RNGTT: variants seen among roughly 807,000 people sequenced by gnomAD.
The protein encoded by RNGTT is mRNA-capping enzyme.
Under a neutral mutation model 79.3 loss-of-function variants are expected in RNGTT, and 33 were observed. The observed-to-expected ratio is 0.42, with a 90% CI of 0.32 to 0.56. The LOEUF (loss-of-function observed/expected upper bound fraction) is 0.56, where lower values mean the gene tolerates loss of function less well. Among genes scored for constraint, RNGTT ranks in the 20% least tolerant of loss-of-function variants. RNGTT has a pLI of 0.17. For synonymous variants in RNGTT, 222 were observed against 235.9 expected (o/e 0.94, Z 0.54); for missense variants, 497 against 739.1 (o/e 0.67, Z 3.80).
At chr6:88,774,159 C>T (rs928631711) in intron 12 of RNGTT, among the ~76,000 whole-genome samples, 1 of 151,970 alleles carries the variant, frequency 6.6e-6, no homozygotes, top group African/African-American at 2.4e-5. Flanking sequence ...AGTCAAAAGA[C>T]TTGAATAAAC....
chr6:88,704,128 C>T (rs774196687), intron 13 of RNGTT, among the ~76,000 whole-genome samples: 60 of 151,700 alleles, frequency 4.0e-4, no homozygotes, highest in Non-Finnish European at 7.7e-4. Flanking sequence ...GGCGTGGTGG[C>T]GGGCGCCTGT....
Position 88,929,269 on chromosome 6 carries a change from T to TA in RNGTT, c.175-3dup, listed in dbSNP as rs79488860. ...GTCCACCAACAAGCCCATTTTAACC[T>TA]AAAAAAAAAAAAAAATGAAAGGGCA... On this transcript the variant is annotated splice_polypyrimidine_tract_variant and splice_region_variant and intron_variant, in intron 2 of 15. Coordinates refer to ENST00000369485, the MANE Select transcript of RNGTT (RefSeq NM_003800.5). The TA allele has an allele frequency of 0.054, 70,936 of 1,312,998 alleles. 3 individuals carry two copies. Among genetic ancestry groups the TA allele is most frequent in the South Asian group, 0.071 (5,267 of 73,928 alleles). 81.3% of individuals were successfully genotyped at this position (1,312,998 alleles called of 1,614,324 possible).
intron 11 of RNGTT, among the ~76,000 whole-genome samples, chr6:88,810,374 A>T (rs1260258091): frequency 6.6e-6 from 1 of 152,214 alleles, no homozygotes; most frequent in East Asian, 1.9e-4. Flanking sequence ...ACTGAGTAAT[A>T]GGTAGGAATG....
At chr6:88,834,691 A>G (rs1781003442) in intron 11 of RNGTT, among the ~76,000 whole-genome samples, 1 of 152,208 alleles carries the variant, frequency 6.6e-6, no homozygotes, top group East Asian at 1.9e-4. Context: ...CAACACTGAT[A>G]CAGTCATAGA....
intron 8 of RNGTT, among the ~76,000 whole-genome samples, chr6:88,889,590 T>C (rs1335557539): frequency 6.8e-6 from 1 of 146,634 alleles, no homozygotes; most frequent in Non-Finnish European, 1.5e-5. Context: ...AAACATTTTA[T>C]TATGAAATAG....
At chr6:88,835,338 T>A (rs965102679) in intron 11 of RNGTT, among the ~76,000 whole-genome samples, 1 of 152,106 alleles carries the variant, frequency 6.6e-6, no homozygotes, top group Non-Finnish European at 1.5e-5. Context: ...ATCCTAACTA[T>A]ACACAACTGA....
intron 14 of RNGTT, among the ~76,000 whole-genome samples, chr6:88,643,443 C>G (rs1409513259): frequency 1.3e-5 from 2 of 152,114 alleles, no homozygotes; most frequent in East Asian, 3.9e-4. Context: ...GACAGATCAA[C>G]GAGACAGAAA....
At chr6:88,810,083 A>G (rs2127870228) in intron 11 of RNGTT, among the ~76,000 whole-genome samples, 1 of 152,230 alleles carries the variant, frequency 6.6e-6, no homozygotes, top group African/African-American at 2.4e-5. Flanking sequence ...CCATTTTTAT[A>G]ATAAAAAAAA....
At chr6:88,825,460 A>T (rs1220588939) in intron 11 of RNGTT, among the ~76,000 whole-genome samples, 2 of 152,280 alleles carry the variant, frequency 1.3e-5, no homozygotes, top group Admixed American at 1.3e-4. Context: ...AGAGATATTC[A>T]TCGAAACATT....
At chr6:88,636,002 C>T (rs1236886115) in intron 14 of RNGTT, among the ~76,000 whole-genome samples, 1 of 152,014 alleles carries the variant, frequency 6.6e-6, no homozygotes, top group African/African-American at 2.4e-5. Flanking sequence ...GTCATTTATA[C>T]AACAAGTATT....
At position 88,707,543 on chromosome 6, in the gene RNGTT, G is replaced by GA. The variant is rs529579080; in HGVS notation, c.1440-29125dup. On this transcript the variant is annotated intron_variant, in intron 13 of 15. Coordinates refer to ENST00000369485, the MANE Select transcript of RNGTT (RefSeq NM_003800.5). ...GAAAAGTCTCCTAAGTAAAAAGGCA[G>GA]AAAAAATTGAACAGGTAACTACCCA... Among the ~76,000 whole-genome samples, 5 of 151,806 alleles carry GA rather than the reference G, an allele frequency of 3.3e-5. 1 individual carries two copies. In the South Asian group the frequency reaches 8.3e-4, roughly 25 times the overall value.
chr6:88,683,769 C>T (rs1336801296), intron 13 of RNGTT, among the ~76,000 whole-genome samples: 1 of 152,140 alleles, frequency 6.6e-6, no homozygotes, highest in Non-Finnish European at 1.5e-5. Flanking sequence ...AATCCCAGCA[C>T]TCTGAGAGGA....
intron 10 of RNGTT, among the ~76,000 whole-genome samples, chr6:88,847,543 C>T (rs987844751): frequency 7.2e-5 from 11 of 151,860 alleles, no homozygotes; most frequent in African/African-American, 2.4e-4. Flanking sequence ...ATTAAATATA[C>T]GATACTTTCA....
At chr6:88,707,371 A>C (rs1271887044) in intron 13 of RNGTT, among the ~76,000 whole-genome samples, 1 of 111,254 alleles carries the variant, frequency 9.0e-6, no homozygotes, top group Non-Finnish European at 1.7e-5. Flanking sequence ...ATCACATGCA[A>C]TTTGGAGTAT....
intron 14 of RNGTT, among the ~76,000 whole-genome samples, chr6:88,631,584 T>C (rs1582255009): frequency 6.6e-6 from 1 of 152,208 alleles, no homozygotes; most frequent in South Asian, 2.1e-4. Context: ...TTGTGACAAG[T>C]AGCCCATATG....
At chr6:88,883,093 A>G (rs1782741867) in intron 8 of RNGTT, among the ~76,000 whole-genome samples, 1 of 151,412 alleles carries the variant, frequency 6.6e-6, no homozygotes, top group Non-Finnish European at 1.5e-5. Context: ...GAAAAGCAAT[A>G]TAAGAATAGC....
rs540552812 is a variant in RNGTT at position 88,765,049 on chromosome 6, G to A, written c.1439+4725C>T. ...CTACTAAAAATACAAAAAATTAGCC[G>A]GGCATGGTGGCAGGCGCCTGTAGTC... On this transcript the variant is annotated intron_variant, in intron 13 of 15. Coordinates refer to ENST00000369485, the MANE Select transcript of RNGTT (RefSeq NM_003800.5). Among the ~76,000 whole-genome samples, 119 of 151,942 alleles carry A rather than the reference G, an allele frequency of 7.8e-4. 1 individual carries two copies. In the South Asian group the frequency reaches 0.013, roughly 16 times the overall value.
chr6:88,891,750 T>C, intron 7 of RNGTT, 56 bp downstream of exon 7: 1 of 1,081,754 alleles, frequency 9.2e-7, no homozygotes, highest in Admixed American at 2.7e-5. Flanking sequence ...AATGCTTGTA[T>C]TAAGTGTTGT....
chr6:88,723,488 A>T (rs1368741858), intron 13 of RNGTT, among the ~76,000 whole-genome samples: 2 of 152,098 alleles, frequency 1.3e-5, no homozygotes, highest in African/African-American at 4.8e-5. Flanking sequence ...CATTATTTTC[A>T]TACTTTCTCT....
Sources: allele counts gnomAD v4.1 joint callset (sites outside exome capture counted in the v4.1 genomes callset), GRCh38; gene constraint gnomAD v4.1.1; transcripts MANE v1.5; gene names NCBI Gene and HGNC (gene_info 2026-07-23, HGNC 2026-07-21).